The following TRNT1 variants were observed in gnomAD, a reference collection of about 807,000 sequenced individuals.
TRNT1 encodes the protein CCA tRNA nucleotidyltransferase 1, mitochondrial.
TRNT1 carries 44 observed loss-of-function variants against 45.6 expected under a neutral mutation model. The observed-to-expected ratio is 0.97, with a 90% CI of 0.76 to 1.24. The LOEUF (loss-of-function observed/expected upper bound fraction) is 1.24, where lower values mean the gene tolerates loss of function less well. Ranked by LOEUF, TRNT1 falls within the 50% of genes most tolerant of loss-of-function variation. TRNT1 has a pLI of 0.00. For synonymous variants in TRNT1, 201 were observed against 171.4 expected, an observed-to-expected ratio of 1.17 and a Z score of -1.35; for missense variants, 633 against 504.4, an observed-to-expected ratio of 1.25 and a Z score of -2.44.
At chr3:3,145,497 C>T (rs1450343730) in intron 5 of TRNT1, 1 of 75,660 alleles carries the variant, frequency 1.3e-5, no homozygotes, top group African/African-American at 4.2e-5. Flanking sequence ...AGCGAGACTC[C>T]ATCTCAAAAA....
At chr3:3,130,215 C>G (rs1417102325) in intron 2 of TRNT1, 3 of 444,848 alleles carry the variant, frequency 6.7e-6, no homozygotes, top group South Asian at 3.0e-5. Context: ...CTATTAGATT[C>G]ACCTGGGGAG....
Position 3,148,253 on chromosome 3 carries a change from G to C in TRNT1, c.*99G>C, listed in dbSNP as rs1042070445. The C allele has an allele frequency of 2.3e-5, 30 of 1,322,212 alleles. No individual in the cohort carries two copies. In the African/African-American group the frequency reaches 3.3e-4, roughly 14 times the overall value. The allele number at this position is 1,322,212 out of a possible 1,614,324, so 81.9% of individuals were successfully genotyped here. On this transcript the variant is annotated 3_prime_UTR_variant, in exon 8 of 8. Transcript: ENST00000251607. ...AGAGACTACACCAGAATAAAAGACA[G>C]TTTAGGGGACCTCTGTAGAACAACA...
rs334771 is a variant in TRNT1 at position 3,129,339 on chromosome 3, A to G, written c.148+151A>G. On this transcript the variant is annotated intron_variant, in intron 2 of 7. Coordinates refer to ENST00000251607, the MANE Select transcript of TRNT1 (RefSeq NM_182916.3). ...AGTAGAGGGTCTCTTTGTGTTGCCC[A>G]GGCTGGTCTCAAAACTCCTGGGCTC... 705,905 of 725,970 alleles carry G rather than the reference A, an allele frequency of 0.97. 345,714 individuals are homozygous for G. Among genetic ancestry groups the G allele is most frequent in the East Asian group, 1 (34,988 of 34,988 alleles). 45.0% of individuals were successfully genotyped at this position (725,970 alleles called of 1,614,324 possible).
chr3:3,137,304 G>T lies in TRNT1; in HGVS notation c.193G>T (p.Ala65Ser), dbSNP rs1354319879. The change falls in exon 3 of 8, where the codon GCA becomes TCA. Residue 65 changes from alanine to serine, a missense_variant. By Grantham distance (99) the Ala-to-Ser change is moderately conservative. Transcript: ENST00000251607. ...TCACGAATTAAGAATAGCAGGAGGA[G>T]CAGTGAGGGATTTATTAAATGGAGT... The part of the protein sequence containing the change: ...ENHELRIAGG[A>S]VRDLLNGVKP... 1 of 1,611,228 alleles carries T rather than the reference G, an allele frequency of 6.2e-7. No individual in the cohort carries two copies.
chr3:3,135,022 C>T (rs1482371627), intron 2 of TRNT1, among the ~76,000 whole-genome samples: 1 of 151,612 alleles, frequency 6.6e-6, no homozygotes, highest in Non-Finnish European at 1.5e-5. Context: ...GTGGTCATGA[C>T]CAGTAATTAA....
At chr3:3,127,446 C>T (rs1003667123) in intron 1 of TRNT1, 1 of 152,292 alleles carries the variant, frequency 6.6e-6, no homozygotes, top group South Asian at 2.1e-4. Flanking sequence ...TTTTTCTCTG[C>T]AGGTTTACAC....
In TRNT1 at chr3:3,127,622, C is replaced by A. The variant is rs115655139; in HGVS notation, c.-28+632C>A. The A allele has an allele frequency of 3.6e-3, 545 of 152,548 alleles. 3 individuals are homozygous for A. Among genetic ancestry groups the A allele is most frequent in the South Asian group, 0.022 (105 of 4,844 alleles). 9.4% of individuals were successfully genotyped at this position (152,548 alleles called of 1,614,324 possible). A position where few individuals can be genotyped will look rare whatever the true frequency, so the allele number is the denominator to read the frequency against. On this transcript the variant is annotated intron_variant, in intron 1 of 7. Coordinates refer to ENST00000251607, the MANE Select transcript of TRNT1 (RefSeq NM_182916.3). Reference sequence around the variant, plus strand: ...AAAATGGGGGCAGCAAAACTAAATTCATGGGAAAATACAATGTCTAGGAGC... The same window carrying A: ...AAAATGGGGGCAGCAAAACTAAATTAATGGGAAAATACAATGTCTAGGAGC...
chr3:3,137,228 G>C, intron 2 of TRNT1, 32 bp from the exon 3 acceptor site: 1 of 1,527,320 alleles, frequency 6.5e-7, no homozygotes, highest in Non-Finnish European at 8.8e-7. Context: ...TAAAGAACTT[G>C]GGAATAAAAA....
chr3:3,142,612 T>G (rs556852201), intron 4 of TRNT1, among the ~76,000 whole-genome samples: 5 of 152,356 alleles, frequency 3.3e-5, no homozygotes, highest in African/African-American at 1.2e-4. Context: ...CTATCCTGGC[T>G]TTTTCCAAGC....
Position 3,128,472 on chromosome 3 carries a change from G to A in TRNT1, c.-27-542G>A, listed in dbSNP as rs932921622. On this transcript the variant is annotated intron_variant, in intron 1 of 7. Transcript: ENST00000251607. ...AAATTAGCCGGATGTGGTGGTGTGC[G>A]CCTGTAATCCCTGCTACTTGGGATG... 6.6e-5 allele frequency among the ~76,000 whole-genome samples: 10 copies of A among 152,066 alleles called. No homozygotes were observed. The South Asian group carries it at 1.9e-3, about 28-fold the overall frequency.
intron 3 of TRNT1, 147 bp from the exon 4 acceptor site, chr3:3,140,363 T>A: frequency 1.6e-6 from 1 of 614,550 alleles, no homozygotes. Context: ...TTTCAATGTT[T>A]AGGTATGGTA....
chr3:3,150,199 A>C (rs1706411782), downstream of TRNT1: 1 of 152,304 alleles, frequency 6.6e-6, no homozygotes, highest in Admixed American at 6.5e-5. Flanking sequence ...ATGGGCTTAT[A>C]GTTCAGATAC....
chr3:3,146,542 G>T lies in TRNT1; in HGVS notation c.721G>T (p.Glu241Ter). Residue 241 changes from glutamate (E) to a stop codon, truncating the protein, a stop_gained, in exon 6 of 8, where the codon GAA becomes TAA. Transcript: ENST00000251607. LOFTEE classifies it high-confidence loss of function. ...AGISGERIWV[E>*]LKKILVGNHV... is the part of the protein sequence containing the mutation. ...AATATCAGGAGAAAGGATTTGGGTGGAACTGAAAAAAATTCTTGTTGGTAA... is the reference window on the plus strand; with the variant it reads ...AATATCAGGAGAAAGGATTTGGGTGTAACTGAAAAAAATTCTTGTTGGTAA... 6.2e-7 allele frequency: 1 copy of T among 1,613,764 alleles called. No individual in the cohort carries two copies. The highest frequency in any genetic ancestry group is 2.2e-5 in the East Asian group (1 of 44,840).
In TRNT1 at chr3:3,130,029, G is replaced by GCCTGACT. The variant is rs113671187; in HGVS notation, c.148+843_148+844insTGACTCC. On this transcript the variant is annotated intron_variant, in intron 2 of 7. Coordinates refer to ENST00000251607, the MANE Select transcript of TRNT1 (RefSeq NM_182916.3). The stretch of plus-strand genomic sequence containing the variant: ...GCATAGGAAATGGCTTTAGCTAAGT[G>GCCTGACT]CCAGTAGCTTCTTGCTGTTGCCACA... 0.98 allele frequency: 1,468,692 copies of GCCTGACT among 1,495,286 alleles called. 724,700 individuals are homozygous for GCCTGACT. Among genetic ancestry groups the GCCTGACT allele is most frequent in the East Asian group, 1 (40,529 of 40,530 alleles). The allele number at this position is 1,495,286 out of a possible 1,614,324, so 92.6% of individuals were successfully genotyped here.
At position 3,146,296 on chromosome 3, in the gene TRNT1, C is replaced by CT. The variant is rs1164233767; in HGVS notation, c.609-132dup. On this transcript the variant is annotated intron_variant, in intron 5 of 7. Transcript: ENST00000251607. The stretch of plus-strand genomic sequence containing the variant: ...AATGACCAGTTGCTTTCTAAGGTCC[C>CT]TTCTAGACCTAACTAATTATATGTT... The CT allele has an allele frequency of 3.6e-5, 21 of 587,394 alleles. No homozygotes were observed. The East Asian group carries it at 5.9e-4, about 16-fold the overall frequency. 36.4% of individuals were successfully genotyped at this position (587,394 alleles called of 1,614,324 possible). A position where few individuals can be genotyped will look rare whatever the true frequency, so the allele number is the denominator to read the frequency against.
downstream of TRNT1, chr3:3,152,735 G>C (rs1706667239): frequency 1.0e-6 from 1 of 970,654 alleles, no homozygotes; most frequent in Non-Finnish European, 1.6e-6. Flanking sequence ...CAGGATCTTA[G>C]TATGAAAATG....
At chr3:3,129,754 G>A (rs6796251) in intron 2 of TRNT1, among the ~76,000 whole-genome samples, 1 of 152,156 alleles carries the variant, frequency 6.6e-6, no homozygotes, top group Admixed American at 6.5e-5. Flanking sequence ...AACTTAATGA[G>A]TACGCACATT....
At chr3:3,142,787 A>G (rs1417928120) in intron 4 of TRNT1, among the ~76,000 whole-genome samples, 2 of 152,236 alleles carry the variant, frequency 1.3e-5, no homozygotes, top group Non-Finnish European at 2.9e-5. Flanking sequence ...TAGGAGAAAT[A>G]ACACCAAGAT....
chr3:3,150,831 ATTTG>A (rs1344122862), downstream of TRNT1: 1 of 1,545,358 alleles, frequency 6.5e-7, no homozygotes, highest in African/African-American at 1.4e-5. Flanking sequence ...AATATAACCA[ATTTG>A]TTAGATAACT....
Sources: gnomAD v4.1 joint callset for allele counts (sites outside exome capture counted in the v4.1 genomes callset) on GRCh38, gnomAD v4.1.1 for gene constraint, MANE v1.5 for transcripts, NCBI Gene and HGNC (gene_info 2026-07-23, HGNC 2026-07-21) for gene names.